The following CLVS2 variants were observed in gnomAD, a reference collection of about 807,000 sequenced individuals.
CLVS2 encodes clavesin 2, also known as clavesin-2.
Under a neutral mutation model 29.0 loss-of-function variants are expected in CLVS2, and 19 were observed. The ratio of observed to expected loss-of-function variants is 0.66; its 90% CI spans 0.46 to 0.96. The LOEUF is 0.96. Among genes scored for constraint, CLVS2 ranks in the 40% least tolerant of loss-of-function variants. The probability of loss-of-function intolerance (pLI) is 0.00; values close to 1 mark genes in which losing one functional copy is unlikely to be tolerated. For missense variants in CLVS2, 294 were observed against 404.1 expected, an observed-to-expected ratio of 0.73 and a Z score of 2.34; for synonymous variants, 161 against 151.3, an observed-to-expected ratio of 1.06 and a Z score of -0.47.
intron 3 of CLVS2, among the ~76,000 whole-genome samples, chr6:123,041,497 C>T (rs1040618614): frequency 6.6e-6 from 1 of 152,112 alleles, no homozygotes; most frequent in Admixed American, 6.6e-5. Flanking sequence ...CAAACACCCT[C>T]AGACAGAAAT....
intron 4 of CLVS2, among the ~76,000 whole-genome samples, chr6:123,049,809 G>GC (rs1317854551): frequency 6.8e-6 from 1 of 146,592 alleles, no homozygotes; most frequent in Non-Finnish European, 1.5e-5. Flanking sequence ...TGGGATGGGG[G>GC]GCGGGGAGGA....
At chr6:123,007,649 A>G (rs1274522118) in intron 2 of CLVS2, among the ~76,000 whole-genome samples, 1 of 152,186 alleles carries the variant, frequency 6.6e-6, no homozygotes, top group Non-Finnish European at 1.5e-5. Context: ...TTTCAAGAGC[A>G]GTATTCTACA....
intron 3 of CLVS2, among the ~76,000 whole-genome samples, chr6:123,046,531 T>C (rs1772512684): frequency 6.6e-6 from 1 of 151,908 alleles, no homozygotes; most frequent in African/African-American, 2.4e-5. Context: ...TGGTGGTGCA[T>C]GCCTGTAGTC....
chr6:123,025,705 A>G (rs972032477), intron 3 of CLVS2, among the ~76,000 whole-genome samples: 3 of 152,146 alleles, frequency 2.0e-5, no homozygotes, highest in Non-Finnish European at 4.4e-5. Flanking sequence ...AGTAAACATA[A>G]TGTGATAGGT....
intron 3 of CLVS2, among the ~76,000 whole-genome samples, chr6:123,039,072 A>C (rs139276212): frequency 7.8e-4 from 119 of 152,258 alleles, no homozygotes; most frequent in African/African-American, 2.6e-3. Context: ...CTAGTTTCAC[A>C]TGCCTGATGT....
chr6:123,062,986 G>C (rs1772801078), intron 5 of CLVS2, among the ~76,000 whole-genome samples: 1 of 152,174 alleles, frequency 6.6e-6, no homozygotes, highest in African/African-American at 2.4e-5. Flanking sequence ...GCTATCAAAG[G>C]CATGTATAAG....
intron 3 of CLVS2, among the ~76,000 whole-genome samples, chr6:123,021,626 T>C (rs1049181903): frequency 6.6e-6 from 1 of 152,090 alleles, no homozygotes; most frequent in Non-Finnish European, 1.5e-5. Context: ...TGCAAAGAGA[T>C]CCCATATATG....
intron 3 of CLVS2, among the ~76,000 whole-genome samples, chr6:123,031,255 G>A (rs62422419): frequency 0.24 from 37,063 of 151,976 alleles, 5,439 homozygotes; most frequent in East Asian, 0.66. Flanking sequence ...GCAGGGGTGA[G>A]CCCTTATGCC....
At chr6:123,041,554 T>A (rs1775235124) in intron 3 of CLVS2, among the ~76,000 whole-genome samples, 1 of 152,166 alleles carries the variant, frequency 6.6e-6, no homozygotes, top group African/African-American at 2.4e-5. Flanking sequence ...CTGAATTCCC[T>A]TAAAGGAGAG....
intron 2 of CLVS2, among the ~76,000 whole-genome samples, chr6:122,998,533 C>T (rs1562160593): frequency 1.3e-5 from 2 of 152,138 alleles, no homozygotes; most frequent in Non-Finnish European, 2.9e-5. Flanking sequence ...AACTTTTCCT[C>T]CTTCTTCCTA....
At position 123,066,377 on chromosome 6, in the gene CLVS2, C is replaced by G. The variant is rs888189263; in HGVS notation, c.*2616C>G. ...TCTCTCATACACACACACACACACACTCTTACACACACACTAACACACTAG... is the reference window on the plus strand; with the variant it reads ...TCTCTCATACACACACACACACACAGTCTTACACACACACTAACACACTAG... On this transcript the variant is annotated 3_prime_UTR_variant, in exon 6 of 6. Transcript: ENST00000275162. 1.3e-5 allele frequency: 2 copies of G among 151,418 alleles called. No individual in the cohort carries two copies. The highest frequency in any genetic ancestry group is 4.8e-5 in the African/African-American group (2 of 41,292). The allele number at this position is 151,418 out of a possible 1,614,324, so 9.4% of individuals were successfully genotyped here. A position where few individuals can be genotyped will look rare whatever the true frequency, so the allele number is the denominator to read the frequency against.
At chr6:123,040,355 A>G (rs565851521) in intron 3 of CLVS2, among the ~76,000 whole-genome samples, 9 of 152,246 alleles carry the variant, frequency 5.9e-5, no homozygotes, top group Non-Finnish European at 1.2e-4. Flanking sequence ...TTACAGACAC[A>G]TTGCCTAATA....
intron 3 of CLVS2, among the ~76,000 whole-genome samples, chr6:123,043,334 C>T (rs1426215346): frequency 6.6e-6 from 1 of 151,916 alleles, no homozygotes; most frequent in Non-Finnish European, 1.5e-5. Flanking sequence ...TATATTTATA[C>T]ACATAGTGTA....
At chr6:123,060,531 C>A (rs1012400604) in intron 5 of CLVS2, among the ~76,000 whole-genome samples, 1 of 152,222 alleles carries the variant, frequency 6.6e-6, no homozygotes, top group African/African-American at 2.4e-5. Context: ...CTTCTTGAAG[C>A]AAGTAATAAA....
intron 2 of CLVS2, among the ~76,000 whole-genome samples, chr6:123,007,841 G>A (rs1774691551): frequency 6.6e-6 from 1 of 152,144 alleles, no homozygotes. Flanking sequence ...GCATACAAGA[G>A]AAGAATAACA....
chr6:123,004,461 TC>T (rs774083165), intron 2 of CLVS2, among the ~76,000 whole-genome samples: 7 of 152,220 alleles, frequency 4.6e-5, no homozygotes, highest in Non-Finnish European at 1.0e-4. Flanking sequence ...TCATATTTAT[TC>T]CAGGGATTGT....
rs551654523 is a variant in CLVS2 at position 123,046,049 on chromosome 6, T to C, written c.565-2573T>C. Among the ~76,000 whole-genome samples, 3 of 152,288 alleles carry C rather than the reference T, an allele frequency of 2.0e-5. No homozygotes were observed. The East Asian group carries it at 5.8e-4, about 29-fold the overall frequency. On this transcript the variant is annotated intron_variant, in intron 3 of 5. Coordinates refer to ENST00000275162, the MANE Select transcript of CLVS2 (RefSeq NM_001010852.4). ...CAGGAAAATGACATGCACTTGGGCA[T>C]GACTGGAAGCGAGGAAGATCACAGT...
chr6:123,048,861 T>C (rs887848250), intron 4 of CLVS2, 129 bp downstream of exon 4: 7 of 615,376 alleles, frequency 1.1e-5, no homozygotes, highest in Non-Finnish European at 1.7e-5. Flanking sequence ...ATAGAAGACA[T>C]TTTAAGATTC....
At chr6:123,021,077 T>C (rs1240025127) in intron 3 of CLVS2, among the ~76,000 whole-genome samples, 1 of 152,156 alleles carries the variant, frequency 6.6e-6, no homozygotes, top group Non-Finnish European at 1.5e-5. Context: ...GCAGAATATT[T>C]GCATTCTCTA....
Sources: gnomAD v4.1 joint callset for allele counts (sites outside exome capture counted in the v4.1 genomes callset) on GRCh38, gnomAD v4.1.1 for gene constraint, MANE v1.5 for transcripts, NCBI Gene and HGNC (gene_info 2026-07-23, HGNC 2026-07-21) for gene names.